Variants in RERE observed in about 807,000 individuals in gnomAD.
The protein encoded by RERE is arginine-glutamic acid dipeptide repeats.
RERE carries 40 observed loss-of-function variants against 146.1 expected under a neutral mutation model. That is an observed-to-expected ratio of 0.27 (90% CI 0.21 to 0.36). The LOEUF is 0.36. Ranked by LOEUF, RERE falls within the 10% of genes least tolerant of loss-of-function variation. RERE has a pLI of 1.00. For missense variants in RERE, 1,933 were observed against 2,138.7 expected (o/e 0.90, Z 1.90); for synonymous variants, 1,003 against 866.0 (o/e 1.16, Z -2.78).
intron 12 of RERE, among the ~76,000 whole-genome samples, chr1:8,388,439 C>A (rs1642760692): frequency 6.6e-6 from 1 of 152,114 alleles, no homozygotes; most frequent in Non-Finnish European, 1.5e-5. Flanking sequence ...CCTGCCTCAG[C>A]CTCCTGAGTA....
At chr1:8,711,395 G>A (rs375560490) in intron 1 of RERE, among the ~76,000 whole-genome samples, 5 of 152,142 alleles carry the variant, frequency 3.3e-5, no homozygotes, top group South Asian at 2.1e-4. Flanking sequence ...TCTCATGGAT[G>A]TAGCCCTAAA....
intron 15 of RERE, among the ~76,000 whole-genome samples, chr1:8,363,249 T>C (rs1482954317): frequency 6.6e-6 from 1 of 152,202 alleles, no homozygotes; most frequent in African/African-American, 2.4e-5. Context: ...AATCAAACAC[T>C]TGTGGATTTA....
At chr1:8,381,378 C>G (rs982092070) in intron 12 of RERE, among the ~76,000 whole-genome samples, 1 of 152,122 alleles carries the variant, frequency 6.6e-6, no homozygotes, top group Non-Finnish European at 1.5e-5. Context: ...CTAACTTGAA[C>G]TGAGATCTAT....
chr1:8,749,569 T>G (rs1254458989), intron 1 of RERE, among the ~76,000 whole-genome samples: 1 of 152,206 alleles, frequency 6.6e-6, no homozygotes, highest in East Asian at 1.9e-4. Flanking sequence ...GGAACCGCAC[T>G]GAGGCAATTA....
intron 11 of RERE, among the ~76,000 whole-genome samples, chr1:8,442,003 A>G (rs1644256572): frequency 6.6e-6 from 1 of 151,462 alleles, no homozygotes; most frequent in Non-Finnish European, 1.5e-5. Context: ...CATAAAATGT[A>G]TCATCTTAGT....
intron 12 of RERE, among the ~76,000 whole-genome samples, chr1:8,395,457 A>G (rs1643022720): frequency 6.7e-6 from 1 of 150,092 alleles, no homozygotes; most frequent in Non-Finnish European, 1.5e-5. Context: ...CCTGAGCAAC[A>G]GAGTGAGGCT....
At chr1:8,422,559 T>C (rs1378782647) in intron 12 of RERE, among the ~76,000 whole-genome samples, 168 bp downstream of exon 12, 2 of 152,196 alleles carry the variant, frequency 1.3e-5, no homozygotes, top group Non-Finnish European at 2.9e-5. Context: ...CTAAAAATTA[T>C]GAACTCAAAT....
At chr1:8,429,663 GAA>G (rs1037048203) in intron 11 of RERE, among the ~76,000 whole-genome samples, 1 of 152,304 alleles carries the variant, frequency 6.6e-6, no homozygotes, top group Admixed American at 6.5e-5. Context: ...ATCACAGTCA[GAA>G]ACTCACCATG....
chr1:8,538,873 T>C (rs1324584538), intron 7 of RERE, among the ~76,000 whole-genome samples: 3 of 152,196 alleles, frequency 2.0e-5, no homozygotes, highest in African/African-American at 4.8e-5. Flanking sequence ...ATTGCATCCA[T>C]ATTTTAAAAC....
intron 1 of RERE, among the ~76,000 whole-genome samples, chr1:8,665,692 A>C (rs1638555338): frequency 6.6e-6 from 1 of 152,228 alleles, no homozygotes; most frequent in South Asian, 2.1e-4. Context: ...AGCAGGTGGA[A>C]GGGATAATGG....
intron 1 of RERE, among the ~76,000 whole-genome samples, chr1:8,697,985 A>G (rs1639370965): frequency 1.3e-5 from 2 of 152,350 alleles, no homozygotes; most frequent in Non-Finnish European, 2.9e-5. Flanking sequence ...TTATTTATGT[A>G]TAAGTTATCA....
intron 11 of RERE, among the ~76,000 whole-genome samples, chr1:8,447,114 TCTC>T (rs1352359265): frequency 1.3e-5 from 2 of 151,744 alleles, no homozygotes; most frequent in Non-Finnish European, 2.9e-5. Context: ...TTCACAAAGT[TCTC>T]CTGCTGTTTT....
At chr1:8,514,539 A>G (rs1645386778) in intron 7 of RERE, among the ~76,000 whole-genome samples, 1 of 152,082 alleles carries the variant, frequency 6.6e-6, no homozygotes, top group Non-Finnish European at 1.5e-5. Context: ...AAACCAGCCT[A>G]GTCAACATGG....
chr1:8,381,366 C>T (rs746278356), intron 12 of RERE, among the ~76,000 whole-genome samples: 5 of 151,992 alleles, frequency 3.3e-5, no homozygotes, highest in Admixed American at 1.3e-4. Flanking sequence ...GCTCGGGAAA[C>T]GCTAACTTGA....
intron 1 of RERE, among the ~76,000 whole-genome samples, chr1:8,663,628 C>T (rs1384591298): frequency 6.6e-6 from 1 of 152,170 alleles, no homozygotes; most frequent in East Asian, 1.9e-4. Flanking sequence ...GCATATCTGA[C>T]GTCCCACCAC....
chr1:8,805,007 G>GTTTTTTT lies in RERE; in HGVS notation c.-145+12152_-145+12153insAAAAAAA, dbSNP rs1557553356. On this transcript the variant is annotated intron_variant, in intron 1 of 22. Coordinates refer to ENST00000400908, the MANE Select transcript of RERE (RefSeq NM_001042681.2). The stretch of plus-strand genomic sequence containing the variant: ...ATTTTTTTTGTTTTGTTTTGTTTTT[G>GTTTTTTT]GTTTTTTTTTTTTTTTTTTTTGAGA... Among the ~76,000 whole-genome samples, 95 of 61,334 alleles carry GTTTTTTT rather than the reference G, an allele frequency of 1.5e-3. 6 individuals carry two copies. The highest frequency in any genetic ancestry group is 1.6e-3 in the Non-Finnish European group (52 of 31,878). 40.2% of individuals were successfully genotyped at this position (61,334 alleles called of 152,430 possible).
chr1:8,466,304 G>C (rs529602125), intron 10 of RERE, among the ~76,000 whole-genome samples: 18 of 152,078 alleles, frequency 1.2e-4, no homozygotes, highest in Non-Finnish European at 2.1e-4. Context: ...CAAACATTTA[G>C]GGAATGTTTG....
chr1:8,690,857 T>A (rs529076209), intron 1 of RERE, among the ~76,000 whole-genome samples: 1 of 152,248 alleles, frequency 6.6e-6, no homozygotes, highest in South Asian at 2.1e-4. Flanking sequence ...GTACCTTTTG[T>A]TAGATGTGGC....
Position 8,358,517 on chromosome 1 carries a change from C to T in RERE, c.4018G>A (p.Ala1340Thr). 6.3e-7 allele frequency: 1 copy of T among 1,593,802 alleles called. No individual in the cohort carries two copies. The change falls in exon 20 of 23, where the codon GCC becomes ACC. Residue 1340 changes from alanine to threonine, a missense_variant. Ala to Thr is a moderately conservative substitution (Grantham distance 58, BLOSUM62 0). This residue lies in a region of RERE where 1,255 missense variants were observed against 1,153.8 expected (regional missense o/e 1.09). Coordinates refer to ENST00000400908, the MANE Select transcript of RERE (RefSeq NM_001042681.2). ...KPPELDPLHP[A>T]ANPMEHFARH... is the part of the protein sequence containing the mutation. The stretch of plus-strand genomic sequence containing the variant: ...GCAAAGTGCTCCATGGGGTTGGCGG[C>T]TGGGTGCAGGGGGTCCAGCTCTGGG...
Sources: allele counts gnomAD v4.1 joint callset (sites outside exome capture counted in the v4.1 genomes callset), GRCh38; gene constraint gnomAD v4.1.1; regional missense constraint gnomAD v4.1.1; transcripts MANE v1.5; gene names NCBI Gene and HGNC (gene_info 2026-07-23, HGNC 2026-07-21).